RMP24: variants seen among roughly 807,000 people sequenced by gnomAD.
RMP24 encodes ribonuclease MRP protein subunit p24.
the RMP24 span, chr18:35,972,708 C>A: frequency 6.3e-7 from 1 of 1,598,814 alleles, no homozygotes; most frequent in South Asian, 1.1e-5. Context: ...CCGCGGCGAG[C>A]CAGCGGCAGC....
At chr18:35,977,234 A>T in the RMP24 span, among the ~76,000 whole-genome samples, 1 of 152,000 alleles carries the variant, frequency 6.6e-6, no homozygotes, top group African/African-American at 2.4e-5. Context: ...AAAAAAAAAA[A>T]TGTCTTGTCT....
the RMP24 span, chr18:35,972,946 T>C: frequency 4.3e-6 from 7 of 1,612,862 alleles, 1 homozygote; most frequent in East Asian, 2.2e-5. Flanking sequence ...TGGGCTCTTG[T>C]CGCCCCGCTT....
At chr18:35,979,005 A>G in the RMP24 span, 1 of 1,573,108 alleles carries the variant, frequency 6.4e-7, no homozygotes, top group Non-Finnish European at 8.6e-7. Context: ...CTTTTAAAAT[A>G]AGAAATGCCT....
At chr18:35,978,846 C>T in the RMP24 span, 3 of 1,595,836 alleles carry the variant, frequency 1.9e-6, no homozygotes, top group Non-Finnish European at 2.6e-6. Context: ...ACACCTACAT[C>T]TGGACAGTCA....
chr18:35,978,169 T>C, the RMP24 span, among the ~76,000 whole-genome samples: 26 of 152,376 alleles, frequency 1.7e-4, no homozygotes, highest in East Asian at 5.0e-3. Context: ...AGGATCAAAC[T>C]CTTTTAGTGT....
the RMP24 span, chr18:35,972,884 G>C: frequency 1.2e-6 from 2 of 1,614,166 alleles, no homozygotes; most frequent in Non-Finnish European, 8.5e-7. Context: ...CTCTTTTACA[G>C]CTGGGCCTAC....
At chr18:35,976,321 T>G in the RMP24 span, among the ~76,000 whole-genome samples, 1 of 151,992 alleles carries the variant, frequency 6.6e-6, no homozygotes, top group East Asian at 1.9e-4. Context: ...GGCTGATTTA[T>G]TTTAACCTGT....
chr18:35,972,764 G>T, the RMP24 span: 1 of 1,613,792 alleles, frequency 6.2e-7, no homozygotes, highest in Non-Finnish European at 8.5e-7. Context: ...CTGCAGCGCG[G>T]GGACTGCACG....
At chr18:35,977,594 T>C in the RMP24 span, 1 of 1,608,850 alleles carries the variant, frequency 6.2e-7, no homozygotes, top group Non-Finnish European at 8.5e-7. Flanking sequence ...CCAGCATCGG[T>C]TTTCAGGTAT....
At chr18:35,974,942 GT>G in the RMP24 span, 1 of 1,614,166 alleles carries the variant, frequency 6.2e-7, no homozygotes, top group Non-Finnish European at 8.5e-7. Flanking sequence ...GTTTCCAGCT[GT>G]TGGTTCTGGA....
the RMP24 span, among the ~76,000 whole-genome samples, chr18:35,975,306 G>A: frequency 6.6e-6 from 1 of 152,142 alleles, no homozygotes; most frequent in African/African-American, 2.4e-5. Context: ...AACCAAACAT[G>A]GTGAGCTCTC....
At chr18:35,976,138 A>ATTTTTTT in the RMP24 span, among the ~76,000 whole-genome samples, 14 of 72,758 alleles carry the variant, frequency 1.9e-4, no homozygotes, top group African/African-American at 2.1e-4. Context: ...TGTTTTTCTG[A>ATTTTTTT]TTTTTTTTTT....
the RMP24 span, among the ~76,000 whole-genome samples, chr18:35,976,568 C>T: frequency 6.6e-6 from 1 of 152,050 alleles, no homozygotes; most frequent in Non-Finnish European, 1.5e-5. Flanking sequence ...GAAAGACAAC[C>T]TCTAGAGCTA....
At chr18:35,973,084 G>T in the RMP24 span, 1 of 791,306 alleles carries the variant, frequency 1.3e-6, no homozygotes, top group South Asian at 1.6e-5. Flanking sequence ...GCCTTGTCTT[G>T]CTTTGTTAGC....
At chr18:35,978,886 C>A in the RMP24 span, 1 of 1,612,834 alleles carries the variant, frequency 6.2e-7, no homozygotes, top group South Asian at 1.1e-5. Flanking sequence ...AGAACACCAG[C>A]AAAACAAAGA....
the RMP24 span, chr18:35,972,697 C>G: frequency 1.9e-6 from 3 of 1,584,340 alleles, no homozygotes; most frequent in Middle Eastern, 2.0e-4. Flanking sequence ...TCACCTGGTT[C>G]CCGCGGCGAG....
At chr18:35,974,968 G>A in the RMP24 span, 13 of 1,613,986 alleles carry the variant, frequency 8.1e-6, no homozygotes, top group Admixed American at 1.7e-5. Context: ...TCTCGAGTGC[G>A]TCTCAAACCC....
chr18:35,976,359 G>C, the RMP24 span, among the ~76,000 whole-genome samples: 47 of 152,098 alleles, frequency 3.1e-4, no homozygotes, highest in African/African-American at 1.1e-3. Flanking sequence ...AAAGTGTAAA[G>C]CAACATAGAC....
the RMP24 span, among the ~76,000 whole-genome samples, chr18:35,975,721 T>G: frequency 6.6e-6 from 1 of 152,244 alleles, no homozygotes; most frequent in Non-Finnish European, 1.5e-5. Flanking sequence ...TTAACATTTA[T>G]CAACTGTTCA....
Sources: gnomAD v4.1 joint callset for allele counts (sites outside exome capture counted in the v4.1 genomes callset) on GRCh38, gnomAD v4.1.1 for gene constraint, MANE v1.5 for transcripts, NCBI Gene and HGNC (gene_info 2026-07-23, HGNC 2026-07-21) for gene names.